Variants in GABARAPL2 observed in about 807,000 individuals in gnomAD.
GABARAPL2 encodes the protein gamma-aminobutyric acid receptor-associated protein-like 2.
A neutral mutation model predicts 16.9 loss-of-function variants in GABARAPL2; 11 were observed. That is an observed-to-expected ratio of 0.65 (90% CI 0.41 to 1.08). GABARAPL2 has a LOEUF of 1.08. GABARAPL2 is among the 50% of genes least tolerant of loss of function. The probability of loss-of-function intolerance (pLI) is 0.00; values close to 1 mark genes in which losing one functional copy is unlikely to be tolerated. For missense variants in GABARAPL2, 134 were observed against 142.5 expected (o/e 0.94, Z 0.30); for synonymous variants, 57 against 50.7 (o/e 1.12, Z -0.53).
chr16:75,574,219 C>T (rs2080933491), intron 3 of GABARAPL2, among the ~76,000 whole-genome samples: 1 of 152,308 alleles, frequency 6.6e-6, no homozygotes, highest in Middle Eastern at 3.4e-3. Context: ...CGGGGGTGGG[C>T]TGCTGGTGTT....
chr16:75,568,933 G>A lies in GABARAPL2; in HGVS notation c.263+724G>A, dbSNP rs753942573. Among the ~76,000 whole-genome samples the A allele has an allele frequency of 5.9e-5, 9 of 152,262 alleles. No homozygotes were observed. The East Asian group carries it at 7.7e-4, about 13-fold the overall frequency. On this transcript the variant is annotated intron_variant, in intron 3 of 3. Transcript: ENST00000037243. ...CTAACCTCCTGGTCAGTCCTTTCCCGTTACTGAGTGGGTAGTTGTAGGCCC... is the reference window on the plus strand; with the variant it reads ...CTAACCTCCTGGTCAGTCCTTTCCCATTACTGAGTGGGTAGTTGTAGGCCC...
chr16:75,570,329 T>C (rs2080907881), intron 3 of GABARAPL2, among the ~76,000 whole-genome samples: 1 of 152,182 alleles, frequency 6.6e-6, no homozygotes, highest in African/African-American at 2.4e-5. Context: ...ATGCAATATA[T>C]AAATCACCCA....
At chr16:75,573,074 G>A (rs1260479302) in intron 3 of GABARAPL2, among the ~76,000 whole-genome samples, 1 of 152,242 alleles carries the variant, frequency 6.6e-6, no homozygotes, top group East Asian at 1.9e-4. Context: ...CATCCTAGCA[G>A]TGGCCTGCTC....
chr16:75,573,592 A>G (rs983662177), intron 3 of GABARAPL2, among the ~76,000 whole-genome samples: 4 of 152,222 alleles, frequency 2.6e-5, no homozygotes, highest in African/African-American at 7.2e-5. Flanking sequence ...TCAAATTACA[A>G]GATGGGAAGG....
rs547604261 is a variant in GABARAPL2 at position 75,566,388 on chromosome 16, C to T, written c.-99C>T. The T allele has an allele frequency of 1.6e-4, 146 of 887,042 alleles. No homozygotes were observed. The highest frequency in any genetic ancestry group is 6.4e-4 in the African/African-American group (36 of 56,608). 54.9% of individuals were successfully genotyped at this position (887,042 alleles called of 1,614,324 possible). ...GTCCCGCCTGCCGTGTAGTCGCCGC[C>T]GTCGCTGCCGCTGCCGCTGCCGCCG... On this transcript the variant is annotated 5_prime_UTR_variant, in exon 1 of 4. Coordinates refer to ENST00000037243, the MANE Select transcript of GABARAPL2 (RefSeq NM_007285.7).
At chr16:75,573,340 G>A (rs1025386095) in intron 3 of GABARAPL2, among the ~76,000 whole-genome samples, 6 of 152,218 alleles carry the variant, frequency 3.9e-5, no homozygotes, top group East Asian at 3.8e-4. Flanking sequence ...GACTCTGCAT[G>A]TATGCAGTCA....
Position 75,568,030 on chromosome 16 carries a change from T to C in GABARAPL2, c.91-7T>C. 6.3e-7 allele frequency: 1 copy of C among 1,595,556 alleles called. No individual in the cohort carries two copies. The highest frequency in any genetic ancestry group is 8.6e-7 in the Non-Finnish European group (1 of 1,165,584). ...AACACAGTCCTGACCTCTCTTTACT[T>C]TCCCAGGTGATTGTGGAAAAGGTCT... On this transcript the variant is annotated splice_region_variant and splice_polypyrimidine_tract_variant and intron_variant, in intron 2 of 3. Transcript: ENST00000037243.
At chr16:75,574,962 G>C (rs988455825) in intron 3 of GABARAPL2, among the ~76,000 whole-genome samples, 2 of 152,086 alleles carry the variant, frequency 1.3e-5, no homozygotes, top group Non-Finnish European at 2.9e-5. Context: ...GAACCGGAAG[G>C]TGGAGGTTGC....
Position 75,566,582 on chromosome 16 carries a change from C to G in GABARAPL2, c.34+62C>G, listed in dbSNP as rs542157051. 1.2e-4 allele frequency: 183 copies of G among 1,580,968 alleles called. No homozygotes were observed. The Middle Eastern group carries it at 1.4e-3, about 12-fold the overall frequency. ...GGGGCGGCGGGTGGGCCCCCTCCCC[C>G]ACTCGGGCGGCCCTGGGCCGAGTGG... is the stretch of plus-strand genomic sequence containing the variant. On this transcript the variant is annotated intron_variant, in intron 1 of 3. Transcript: ENST00000037243.
intron 3 of GABARAPL2, chr16:75,576,120 C>T (rs557512514): frequency 4.8e-4 from 73 of 152,240 alleles, no homozygotes; most frequent in African/African-American, 1.7e-3. Flanking sequence ...CAGGGAGCAC[C>T]GTTTTTATTG....
chr16:75,572,361 T>A (rs949314631), intron 3 of GABARAPL2: 4 of 152,272 alleles, frequency 2.6e-5, no homozygotes, highest in Non-Finnish European at 5.9e-5. Flanking sequence ...GCGCGTGGAC[T>A]CCAAAGCAGA....
rs1397799907 is a variant in GABARAPL2 at position 75,577,288 on chromosome 16, G to T, written c.273G>T (p.Met91Ile). The T allele has an allele frequency of 8.6e-5, 138 of 1,605,160 alleles. No homozygotes were observed. Among genetic ancestry groups the T allele is most frequent in the Non-Finnish European group, 1.2e-4 (135 of 1,171,916 alleles). Reference protein sequence around the residue: ...DKTVPQSSLTMGQLYEKEKDE... With the variant: ...DKTVPQSSLTIGQLYEKEKDE... ...GTTTTTCTCTTTCAAGCCTAACTAT[G>T]GGACAGCTTTACGAGAAGGAAAAAG... Residue 91 changes from methionine to isoleucine, a missense_variant, in exon 4 of 4, where the codon ATG becomes ATT. By Grantham distance (10) the Met-to-Ile change is conservative (BLOSUM62 1). Coordinates refer to ENST00000037243, the MANE Select transcript of GABARAPL2 (RefSeq NM_007285.7).
intron 2 of GABARAPL2, among the ~76,000 whole-genome samples, chr16:75,567,157 C>T (rs2080889188): frequency 6.6e-6 from 1 of 152,204 alleles, no homozygotes; most frequent in Non-Finnish European, 1.5e-5. Context: ...GGCTCCCTGG[C>T]CAATTATGTA....
intron 3 of GABARAPL2, chr16:75,576,371 G>A (rs2080949598): frequency 6.6e-6 from 1 of 152,206 alleles, no homozygotes; most frequent in Admixed American, 6.5e-5. Flanking sequence ...TGTTTCCTCA[G>A]GTTGAGGCCT....
In GABARAPL2 at chr16:75,566,889, A is replaced by G. The variant is rs144908510; in HGVS notation, c.72A>G (p.Lys24=). ...RCVESAKIRA[K]YPDRVPVIVE... ...TGGAGTCCGCGAAGATTCGAGCGAA[A>G]TATCCCGACAGGGTTCCGGTGAGTG... is the stretch of plus-strand genomic sequence containing the variant. The change falls in exon 2 of 4, where the codon AAA becomes AAG. Residue 24 remains lysine (K), a synonymous_variant. Coordinates refer to ENST00000037243, the MANE Select transcript of GABARAPL2 (RefSeq NM_007285.7). 5.3e-5 allele frequency: 86 copies of G among 1,613,488 alleles called. No individual in the cohort carries two copies. Among genetic ancestry groups the G allele is most frequent in the Non-Finnish European group, 7.2e-5 (85 of 1,179,854 alleles).
rs1254944507 is a variant in GABARAPL2 at position 75,577,330 on chromosome 16, A to G, written c.315A>G (p.Leu105=). ...YEKEKDEDGF[L]YVAYSGENTF... ...AGGAAAAAGATGAAGATGGATTCTT[A>G]TATGTGGCCTACAGCGGAGAGAACA... Residue 105 remains leucine (L), a synonymous_variant, in exon 4 of 4, where the codon TTA becomes TTG. Coordinates refer to ENST00000037243, the MANE Select transcript of GABARAPL2 (RefSeq NM_007285.7). 5.6e-6 allele frequency: 9 copies of G among 1,612,926 alleles called. No individual in the cohort carries two copies. Among genetic ancestry groups the G allele is most frequent in the South Asian group, 1.1e-5 (1 of 91,050 alleles).
chr16:75,574,810 A>AATCCAGCACTTTGGGAGGC (rs1597060909), intron 3 of GABARAPL2, among the ~76,000 whole-genome samples: 10 of 18,722 alleles, frequency 5.3e-4, no homozygotes, highest in Non-Finnish European at 5.4e-4. Context: ...GGCTCACCTG[A>AATCCAGCACTTTGGGAGGC]GGTCAGGAGT....
Position 75,568,039 on chromosome 16 carries a change from G to T in GABARAPL2, c.93G>T (p.Val31=), listed in dbSNP as rs147967714. The change falls in exon 3 of 4, where the codon GTG becomes GTT. Residue 31 remains valine (V), a splice_region_variant and synonymous_variant. Coordinates refer to ENST00000037243, the MANE Select transcript of GABARAPL2 (RefSeq NM_007285.7). ...CTGACCTCTCTTTACTTTCCCAGGTGATTGTGGAAAAGGTCTCAGGCTCTC... is the reference window on the plus strand; with the variant it reads ...CTGACCTCTCTTTACTTTCCCAGGTTATTGTGGAAAAGGTCTCAGGCTCTC... The part of the protein sequence containing the change: ...IRAKYPDRVP[V]IVEKVSGSQI... 8 of 1,599,158 alleles carry T rather than the reference G, an allele frequency of 5.0e-6. No individual in the cohort carries two copies. The Admixed American group carries it at 1.3e-4, about 27-fold the overall frequency.
intron 1 of GABARAPL2, 155 bp downstream of exon 1, chr16:75,566,675 G>T: frequency 2.0e-6 from 2 of 984,524 alleles, no homozygotes; most frequent in Non-Finnish European, 3.1e-6. Context: ...GCGGCCCCCT[G>T]ACCCCATGTC....
Sources: allele counts gnomAD v4.1 joint callset (sites outside exome capture counted in the v4.1 genomes callset), GRCh38; gene constraint gnomAD v4.1.1; transcripts MANE v1.5; gene names NCBI Gene and HGNC (gene_info 2026-07-23, HGNC 2026-07-21).